Variants in C4orf36 observed in about 807,000 individuals in gnomAD.
C4orf36 encodes uncharacterized protein C4orf36.
In C4orf36, 11 loss-of-function variants were observed where a neutral mutation model predicts 12.2. The observed-to-expected ratio is 0.90, with a 90% CI of 0.57 to 1.49. The LOEUF (loss-of-function observed/expected upper bound fraction) is 1.49. Ranked by LOEUF, C4orf36 falls within the 40% of genes most tolerant of loss-of-function variation. The probability of loss-of-function intolerance (pLI) is 0.00; values close to 1 mark genes in which losing one functional copy is unlikely to be tolerated. For missense variants in C4orf36, 137 were observed against 133.9 expected (o/e 1.02, Z -0.11); for synonymous variants, 54 against 51.3 (o/e 1.05, Z -0.22).
At chr4:86,915,218 C>T in the C4orf36 span, among the ~76,000 whole-genome samples, 1 of 152,174 alleles carries the variant, frequency 6.6e-6, no homozygotes, top group Non-Finnish European at 1.5e-5. Context: ...CCCTCCATCA[C>T]CCACTCCAGT....
At chr4:86,922,438 T>C in the C4orf36 span, among the ~76,000 whole-genome samples, 1 of 152,236 alleles carries the variant, frequency 6.6e-6, no homozygotes, top group Non-Finnish European at 1.5e-5. Flanking sequence ...GTTATCAATT[T>C]ATTGCTCCTT....
the C4orf36 span, among the ~76,000 whole-genome samples, chr4:86,907,708 G>C: frequency 6.6e-6 from 1 of 152,072 alleles, no homozygotes; most frequent in Admixed American, 6.6e-5. Context: ...CAGGTGTGGT[G>C]CCTCACACCT....
At chr4:86,916,661 T>G in the C4orf36 span, among the ~76,000 whole-genome samples, 1 of 152,312 alleles carries the variant, frequency 6.6e-6, no homozygotes, top group African/African-American at 2.4e-5. Context: ...AAATTCATTC[T>G]CATTAGAATT....
At chr4:86,914,017 C>G in the C4orf36 span, 3 of 1,606,482 alleles carry the variant, frequency 1.9e-6, no homozygotes, top group Non-Finnish European at 2.6e-6. Flanking sequence ...CATGATCCTG[C>G]TGCCAGCAAA....
chr4:86,908,054 A>G, the C4orf36 span, among the ~76,000 whole-genome samples: 2 of 151,970 alleles, frequency 1.3e-5, no homozygotes, highest in Non-Finnish European at 2.9e-5. Flanking sequence ...TTTGCTCCCT[A>G]CTCATCCTTG....
intron 4 of C4orf36, among the ~76,000 whole-genome samples, chr4:86,882,693 T>C (rs542065890): frequency 5.3e-5 from 8 of 152,278 alleles, no homozygotes; most frequent in East Asian, 1.9e-4. Flanking sequence ...GCCCTGTAGT[T>C]CACTTTTGAT....
rs1747418925 is a variant in C4orf36 at position 86,891,603 on chromosome 4, T to C, written c.-73-10A>G. 11 of 1,602,980 alleles carry C rather than the reference T, an allele frequency of 6.9e-6. No individual in the cohort carries two copies. Among genetic ancestry groups the C allele is most frequent in the South Asian group, 5.6e-5 (5 of 89,724 alleles). On this transcript the variant is annotated splice_polypyrimidine_tract_variant and intron_variant, in intron 1 of 4. Transcript: ENST00000295898. ...ACTCTGTTCACTTTACCTGAAATGATGGCAACGCACCTAATTAATGCCTCT... is the reference window on the plus strand; with the variant it reads ...ACTCTGTTCACTTTACCTGAAATGACGGCAACGCACCTAATTAATGCCTCT...
the C4orf36 span, chr4:86,934,905 G>T: frequency 2.0e-5 from 3 of 152,124 alleles, no homozygotes; most frequent in Non-Finnish European, 4.4e-5. Flanking sequence ...GGCGCGGGCC[G>T]GGGCGGAACC....
At chr4:86,886,832 T>C (rs2149421224) in intron 4 of C4orf36, 1 of 152,284 alleles carries the variant, frequency 6.6e-6, no homozygotes, top group South Asian at 2.1e-4. Flanking sequence ...ATTGTGGCAC[T>C]ACTCACAATA....
chr4:86,917,862 G>A, the C4orf36 span, among the ~76,000 whole-genome samples: 1 of 87,586 alleles, frequency 1.1e-5, no homozygotes, highest in African/African-American at 3.1e-5. Flanking sequence ...AATACTATTG[G>A]CAGTTGAAAT....
intron 2 of C4orf36, among the ~76,000 whole-genome samples, chr4:86,888,848 A>C (rs1747282066): frequency 6.6e-6 from 1 of 152,202 alleles, no homozygotes; most frequent in Non-Finnish European, 1.5e-5. Context: ...AGAAAGTGAA[A>C]GACCTGCTTT....
the C4orf36 span, chr4:86,935,765 C>G: frequency 6.6e-6 from 1 of 151,956 alleles, no homozygotes; most frequent in East Asian, 1.9e-4. Context: ...GTCGGTGGTC[C>G]GTAGCCTCCG....
rs956218182 is a variant in C4orf36, at chr4:86,892,400, C to T, written c.-291G>A. On this transcript the variant is annotated 5_prime_UTR_variant, in exon 1 of 5. Transcript: ENST00000295898. ...GCGCCGCAGGCACACGCCTCCTTCC[C>T]GCTCGCCGCGGGCGCCGAGTCTGGG... The T allele has an allele frequency of 6.1e-6, 6 of 985,474 alleles. No homozygotes were observed. Among genetic ancestry groups the T allele is most frequent in the Non-Finnish European group, 7.2e-6 (6 of 830,074 alleles). 61.0% of individuals were successfully genotyped at this position (985,474 alleles called of 1,614,324 possible).
the C4orf36 span, among the ~76,000 whole-genome samples, chr4:86,923,543 A>C: frequency 1.3e-5 from 2 of 152,106 alleles, no homozygotes; most frequent in African/African-American, 4.8e-5. Flanking sequence ...GGATCACCTG[A>C]GGTCGGGAGT....
chr4:86,927,965 A>G, the C4orf36 span, among the ~76,000 whole-genome samples: 1 of 152,216 alleles, frequency 6.6e-6, no homozygotes, highest in East Asian at 1.9e-4. Flanking sequence ...GCTGACTCAG[A>G]ATGGTGATGG....
At chr4:86,899,939 C>T in the C4orf36 span, among the ~76,000 whole-genome samples, 1 of 152,112 alleles carries the variant, frequency 6.6e-6, no homozygotes, top group Non-Finnish European at 1.5e-5. Context: ...ACTTGAAACC[C>T]CACAAGCAGA....
At chr4:86,890,492 TAATAA>T (rs1164242046) in intron 2 of C4orf36, among the ~76,000 whole-genome samples, 3 of 142,598 alleles carry the variant, frequency 2.1e-5, no homozygotes, top group African/African-American at 8.4e-5. Context: ...ATAATAATAA[TAATAA>T]TAATAATAAT....
At chr4:86,881,599 C>A (rs570042031) in intron 4 of C4orf36, among the ~76,000 whole-genome samples, 25 of 152,064 alleles carry the variant, frequency 1.6e-4, no homozygotes, top group African/African-American at 5.3e-4. Context: ...TAAAAAAATT[C>A]TTTTAATTAA....
At chr4:86,909,165 A>T in the C4orf36 span, among the ~76,000 whole-genome samples, 13 of 152,318 alleles carry the variant, frequency 8.5e-5, no homozygotes, top group Non-Finnish European at 1.5e-4. Flanking sequence ...AACACAAATT[A>T]TTCAGGGAAG....
Sources: allele counts gnomAD v4.1 joint callset (sites outside exome capture counted in the v4.1 genomes callset), GRCh38; gene constraint gnomAD v4.1.1; transcripts MANE v1.5; gene names NCBI Gene and HGNC (gene_info 2026-07-23, HGNC 2026-07-21).